Variants in GPC5 observed in about 807,000 individuals in gnomAD.
The protein encoded by GPC5 is glypican-5.
Under a neutral mutation model 53.9 loss-of-function variants are expected in GPC5, and 47 were observed. The ratio of observed to expected loss-of-function variants is 0.87; its 90% CI spans 0.69 to 1.11. The LOEUF (loss-of-function observed/expected upper bound fraction) is 1.11, where lower values mean the gene tolerates loss of function less well. Ranked by LOEUF, GPC5 falls within the 50% of genes most tolerant of loss-of-function variation. The pLI is 0.00. For synonymous variants in GPC5, 286 were observed against 263.3 expected (o/e 1.09, Z -0.84); for missense variants, 748 against 713.1 (o/e 1.05, Z -0.56).
intron 1 of GPC5, among the ~76,000 whole-genome samples, chr13:91,415,740 C>CG (rs1878167785): frequency 1.3e-4 from 1 of 7,448 alleles, no homozygotes; most frequent in African/African-American, 2.8e-4. Context: ...AGTCTTTTTG[C>CG]GGGGGTGGGG....
At chr13:92,726,421 C>G (rs1163424859) in intron 7 of GPC5, among the ~76,000 whole-genome samples, 1 of 151,490 alleles carries the variant, frequency 6.6e-6, no homozygotes, top group Non-Finnish European at 1.5e-5. Context: ...GAGACAGGAT[C>G]TAACTCTATC....
intron 4 of GPC5, among the ~76,000 whole-genome samples, chr13:91,751,049 C>A (rs1219920711): frequency 6.6e-6 from 1 of 152,054 alleles, no homozygotes; most frequent in Non-Finnish European, 1.5e-5. Context: ...TTTAATATAC[C>A]TACCGTAGAT....
intron 7 of GPC5, among the ~76,000 whole-genome samples, chr13:92,761,290 C>T (rs1381249777): frequency 6.6e-6 from 1 of 152,152 alleles, no homozygotes; most frequent in East Asian, 1.9e-4. Context: ...GCCTTAGCCT[C>T]ACAAGTAGAT....
At chr13:91,492,583 A>T (rs1252362090) in intron 2 of GPC5, among the ~76,000 whole-genome samples, 1 of 152,158 alleles carries the variant, frequency 6.6e-6, no homozygotes, top group African/African-American at 2.4e-5. Flanking sequence ...GTCTTGAGAG[A>T]CTGGATGATG....
chr13:92,113,928 C>T (rs1445175194), intron 6 of GPC5, among the ~76,000 whole-genome samples: 1 of 152,090 alleles, frequency 6.6e-6, no homozygotes, highest in Non-Finnish European at 1.5e-5. Flanking sequence ...TGTTGCTTTA[C>T]TTCTAAGGAG....
At position 92,741,795 on chromosome 13, in the gene GPC5, T is replaced by C. The variant is rs565765615; in HGVS notation, c.1562-124487T>C. On this transcript the variant is annotated intron_variant, in intron 7 of 7. Coordinates refer to ENST00000377067, the MANE Select transcript of GPC5 (RefSeq NM_004466.6). ...TGTTCCCCTTCCTGTGTCCAAGTGT[T>C]CTCATTGTTCAATTCCCGCCTATGA... Among the ~76,000 whole-genome samples, 10 of 152,214 alleles carry C rather than the reference T, an allele frequency of 6.6e-5. No homozygotes were observed. In the East Asian group the frequency reaches 1.9e-3, roughly 30 times the overall value.
At chr13:92,694,433 C>A (rs553474714) in intron 7 of GPC5, among the ~76,000 whole-genome samples, 1 of 152,262 alleles carries the variant, frequency 6.6e-6, no homozygotes, top group South Asian at 2.1e-4. Flanking sequence ...GGAGGAGCTG[C>A]CCAAGGGCTT....
chr13:92,070,626 T>A (rs1040721939), intron 6 of GPC5, among the ~76,000 whole-genome samples: 2 of 152,228 alleles, frequency 1.3e-5, no homozygotes, highest in African/African-American at 4.8e-5. Context: ...TATTTTTGAA[T>A]CTGCATCAAT....
intron 7 of GPC5, among the ~76,000 whole-genome samples, chr13:92,530,457 A>G (rs1219135480): frequency 6.6e-6 from 1 of 152,066 alleles, no homozygotes; most frequent in Non-Finnish European, 1.5e-5. Context: ...AACATGAAGA[A>G]TGGCATTGAA....
At chr13:92,658,062 A>T (rs574511518) in intron 7 of GPC5, among the ~76,000 whole-genome samples, 3 of 152,164 alleles carry the variant, frequency 2.0e-5, no homozygotes, top group Non-Finnish European at 2.9e-5. Context: ...ACTTACCCCA[A>T]TTCTGTCATT....
intron 1 of GPC5, among the ~76,000 whole-genome samples, chr13:91,408,207 T>C (rs1877468483): frequency 6.6e-6 from 1 of 152,170 alleles, no homozygotes; most frequent in Non-Finnish European, 1.5e-5. Context: ...TCTTTCCAAC[T>C]CTTCCTCCTC....
Position 92,610,855 on chromosome 13 carries a change from A to G in GPC5, c.1562-255427A>G, listed in dbSNP as rs566778695. Among the ~76,000 whole-genome samples, 15 of 152,026 alleles carry G rather than the reference A, an allele frequency of 9.9e-5. No individual in the cohort carries two copies. In the South Asian group the frequency reaches 2.9e-3, roughly 29 times the overall value. ...CACTCACTATCACCCCCATGATTCA[A>G]TTACCTCCACCTGGTCTCTCCCATT... On this transcript the variant is annotated intron_variant, in intron 7 of 7. Coordinates refer to ENST00000377067, the MANE Select transcript of GPC5 (RefSeq NM_004466.6).
At chr13:92,558,283 C>A (rs1241857247) in intron 7 of GPC5, among the ~76,000 whole-genome samples, 1 of 151,948 alleles carries the variant, frequency 6.6e-6, no homozygotes, top group African/African-American at 2.4e-5. Context: ...ACATAAATTG[C>A]AATGATTATC....
chr13:92,707,905 A>T (rs7323921), intron 7 of GPC5, among the ~76,000 whole-genome samples: 1 of 151,800 alleles, frequency 6.6e-6, no homozygotes, highest in Admixed American at 6.6e-5. Flanking sequence ...GACCATGAGC[A>T]AAGAAATGAC....
At chr13:91,944,195 A>ACGTCAAT (rs1481866710) in intron 6 of GPC5, among the ~76,000 whole-genome samples, 1 of 151,658 alleles carries the variant, frequency 6.6e-6, no homozygotes, top group Admixed American at 6.6e-5. Flanking sequence ...TCCTGGGTTC[A>ACGTCAAT]CGTCAATCTC....
intron 7 of GPC5, among the ~76,000 whole-genome samples, chr13:92,682,860 A>G (rs1887149896): frequency 6.6e-6 from 1 of 152,196 alleles, no homozygotes; most frequent in African/African-American, 2.4e-5. Context: ...CTGGCATTGT[A>G]TTTCCTGGCT....
At chr13:91,838,249 G>A (rs571385150) in intron 5 of GPC5, among the ~76,000 whole-genome samples, 17 of 151,872 alleles carry the variant, frequency 1.1e-4, no homozygotes, top group African/African-American at 3.9e-4. Context: ...TGCCATCCCC[G>A]CTGCCCTCTA....
intron 7 of GPC5, among the ~76,000 whole-genome samples, chr13:92,651,516 G>A (rs968863980): frequency 2.6e-5 from 4 of 152,064 alleles, no homozygotes; most frequent in Non-Finnish European, 5.9e-5. Flanking sequence ...ATAATGTGAA[G>A]ATCTGCAAAA....
chr13:91,850,263 C>T (rs1335188943), intron 5 of GPC5, among the ~76,000 whole-genome samples: 1 of 152,084 alleles, frequency 6.6e-6, no homozygotes, highest in Admixed American at 6.6e-5. Context: ...GACATCCATG[C>T]TTTTTGCCAA....
Sources: gnomAD v4.1 joint callset for allele counts (sites outside exome capture counted in the v4.1 genomes callset) on GRCh38, gnomAD v4.1.1 for gene constraint, MANE v1.5 for transcripts, NCBI Gene and HGNC (gene_info 2026-07-23, HGNC 2026-07-21) for gene names.